Variants in ZNF860 observed in about 807,000 individuals in gnomAD.
ZNF860 encodes the protein zinc finger protein 860.
For synonymous variants in ZNF860, 206 were observed against 248.9 expected, an observed-to-expected ratio of 0.83 and a Z score of 1.62; for missense variants, 641 against 759.2, an observed-to-expected ratio of 0.84 and a Z score of 1.83.
In ZNF860 at chr3:31,988,671, A is replaced by C. The variant is rs1215734053; in HGVS notation, c.-409A>C. 2 of 208,134 alleles carry C rather than the reference A, an allele frequency of 9.6e-6. 1 individual carries two copies. The highest frequency in any genetic ancestry group is 1.0e-4 in the Admixed American group (2 of 19,236). 12.9% of individuals were successfully genotyped at this position (208,134 alleles called of 1,614,324 possible). A position where few individuals can be genotyped will look rare whatever the true frequency, so the allele number is the denominator to read the frequency against. ...CTCTCTATCATCAGTCACTCTAGGA[A>C]AGCCAGCTGCCATGACATAAGGATA... On this transcript the variant is annotated 5_prime_UTR_variant, in exon 2 of 2. Coordinates refer to ENST00000360311, the MANE Select transcript of ZNF860 (RefSeq NM_001137674.3).
intron 1 of ZNF860, among the ~76,000 whole-genome samples, chr3:31,984,023 GTTTTT>G (rs145467997): frequency 2.0e-5 from 3 of 151,156 alleles, no homozygotes; most frequent in East Asian, 2.0e-4. Flanking sequence ...AGCCTAAGGG[GTTTTT>G]TTTGTTTTTG....
downstream of ZNF860, among the ~76,000 whole-genome samples, chr3:31,994,514 ATGG>A (rs1699068931): frequency 6.6e-6 from 1 of 152,068 alleles, no homozygotes; most frequent in South Asian, 2.1e-4. Flanking sequence ...GGATGGATGG[ATGG>A]ATGGATGGAT....
Position 31,989,845 on chromosome 3 carries a change from A to G in ZNF860, c.766A>G (p.Lys256Glu). Residue 256 changes from lysine (K) to glutamate (E), a missense_variant, in exon 2 of 2, where the codon AAA becomes GAA. By Grantham distance (56) the Lys-to-Glu change is moderately conservative (BLOSUM62 1). Transcript: ENST00000360311. Reference sequence around the variant, plus strand: ...ACATCAGATAATCTATTTAGGAGGGAAACAATATAAATGTGATGTATGTGG... The same window carrying G: ...ACATCAGATAATCTATTTAGGAGGGGAACAATATAAATGTGATGTATGTGG... ...RKHQIIYLGG[K>E]QYKCDVCGKV... The G allele has an allele frequency of 6.2e-7, 1 of 1,614,192 alleles. No individual in the cohort carries two copies. Among genetic ancestry groups the G allele is most frequent in the Admixed American group, 1.7e-5 (1 of 60,020 alleles).
chr3:31,992,079 G>C (rs1035346725), downstream of ZNF860, among the ~76,000 whole-genome samples: 82 of 150,464 alleles, frequency 5.4e-4, no homozygotes, highest in African/African-American at 2.0e-3. Flanking sequence ...CTGGGAGGCA[G>C]AGGTCGCAGT....
At chr3:31,991,873 A>C (rs542466548), downstream of ZNF860, among the ~76,000 whole-genome samples, 1 of 152,100 alleles carries the variant, frequency 6.6e-6, no homozygotes, top group African/African-American at 2.4e-5. Context: ...TAAAAAAAAA[A>C]AAATGCCAGG....
chr3:31,997,163 G>A, the ZNF860 span, among the ~76,000 whole-genome samples: 22 of 152,080 alleles, frequency 1.4e-4, no homozygotes, highest in Admixed American at 9.8e-4. Context: ...AAGCATGCCC[G>A]ATTTATGTGC....
Position 31,984,102 on chromosome 3 carries a change from A to G in ZNF860, c.-421+2200A>G, listed in dbSNP as rs369909275. 2.8e-4 allele frequency among the ~76,000 whole-genome samples: 42 copies of G among 152,012 alleles called. No individual in the cohort carries two copies. In the South Asian group the frequency reaches 7.3e-3, roughly 26 times the overall value. On this transcript the variant is annotated intron_variant, in intron 1 of 1. Transcript: ENST00000360311. ...ACCCAGGCTGGAGTGTAGTGGCACG[A>G]CCTCAGCTCACTGCAAGCCCTGCCT...
chr3:31,996,359 C>G (rs535193236), downstream of ZNF860, among the ~76,000 whole-genome samples: 1 of 152,164 alleles, frequency 6.6e-6, no homozygotes, highest in Non-Finnish European at 1.5e-5. Context: ...AAACTCTCCC[C>G]CCCGTGCAAG....
chr3:31,993,671 TACACACACATACACACAC>T (rs1450076532), downstream of ZNF860, among the ~76,000 whole-genome samples: 2 of 126,720 alleles, frequency 1.6e-5, no homozygotes, highest in African/African-American at 8.5e-5. Flanking sequence ...TTAACATGAC[TACACACACATACACACAC>T]ACACACACAC....
intron 1 of ZNF860, among the ~76,000 whole-genome samples, chr3:31,988,427 T>C (rs949306207): frequency 6.6e-5 from 10 of 152,000 alleles, no homozygotes; most frequent in African/African-American, 2.4e-4. Flanking sequence ...GGCCAGAGGG[T>C]AGACTGTAGT....
the ZNF860 span, among the ~76,000 whole-genome samples, chr3:31,996,774 C>T: frequency 6.6e-6 from 1 of 152,160 alleles, no homozygotes; most frequent in African/African-American, 2.4e-5. Context: ...CCGCTATCAA[C>T]TCCAGAGAGT....
At chr3:32,005,818 C>T in the ZNF860 span, among the ~76,000 whole-genome samples, 1 of 152,098 alleles carries the variant, frequency 6.6e-6, no homozygotes. Flanking sequence ...AGTCTCCTGA[C>T]CTCGTGATCC....
Position 31,991,083 on chromosome 3 carries a change from C to G in ZNF860, c.*105C>G, listed in dbSNP as rs1233587029. On this transcript the variant is annotated 3_prime_UTR_variant, in exon 2 of 2. Transcript: ENST00000360311. ...GCATTAATTGACATTAGAGTCAATTCAGCATTGACTTGAGTTTCAGTTGAC... is the reference window on the plus strand; with the variant it reads ...GCATTAATTGACATTAGAGTCAATTGAGCATTGACTTGAGTTTCAGTTGAC... 2 of 1,106,988 alleles carry G rather than the reference C, an allele frequency of 1.8e-6. No individual in the cohort carries two copies. The highest frequency in any genetic ancestry group is 3.2e-5 in the African/African-American group (2 of 62,738). The allele number at this position is 1,106,988 out of a possible 1,614,324, so 68.6% of individuals were successfully genotyped here. A position where few individuals can be genotyped will look rare whatever the true frequency, so the allele number is the denominator to read the frequency against.
At chr3:31,999,148 G>A in the ZNF860 span, among the ~76,000 whole-genome samples, 1 of 152,246 alleles carries the variant, frequency 6.6e-6, no homozygotes, top group South Asian at 2.1e-4. Context: ...TGTCTGGAGG[G>A]CATCACTGTA....
the ZNF860 span, among the ~76,000 whole-genome samples, chr3:32,006,396 C>T: frequency 2.0e-5 from 3 of 152,260 alleles, no homozygotes; most frequent in South Asian, 6.2e-4. Flanking sequence ...TTTCTGTAAG[C>T]CAGTTGTCAT....
At chr3:31,995,220 G>T (rs1384292112), downstream of ZNF860, among the ~76,000 whole-genome samples, 1 of 152,094 alleles carries the variant, frequency 6.6e-6, no homozygotes, top group Non-Finnish European at 1.5e-5. Context: ...AATTTACCAG[G>T]CTGGGATTTC....
chr3:31,996,616 C>T (rs1422492290), downstream of ZNF860, among the ~76,000 whole-genome samples: 1 of 152,128 alleles, frequency 6.6e-6, no homozygotes, highest in East Asian at 1.9e-4. Context: ...CATCTCTGTA[C>T]TCCCAGTCCT....
chr3:31,998,372 T>C, the ZNF860 span, among the ~76,000 whole-genome samples: 12,218 of 152,160 alleles, frequency 0.08, 705 homozygotes, highest in East Asian at 0.32. Flanking sequence ...AAAAATTCCA[T>C]GTGAGTGCTG....
downstream of ZNF860, among the ~76,000 whole-genome samples, chr3:31,995,233 A>G (rs1318937782): frequency 6.6e-6 from 1 of 152,182 alleles, no homozygotes. Flanking sequence ...GGGATTTCCC[A>G]ATCCTAGTAA....
Sources: allele counts gnomAD v4.1 joint callset (sites outside exome capture counted in the v4.1 genomes callset), GRCh38; gene constraint gnomAD v4.1.1; transcripts MANE v1.5; gene names NCBI Gene and HGNC (gene_info 2026-07-23, HGNC 2026-07-21).